SLC2A13: variants seen among roughly 807,000 people sequenced by gnomAD.
The protein encoded by SLC2A13 is solute carrier family 2 member 13.
A neutral mutation model predicts 64.4 loss-of-function variants in SLC2A13; 32 were observed. The observed-to-expected ratio is 0.50, with a 90% CI of 0.37 to 0.67. The LOEUF (loss-of-function observed/expected upper bound fraction) is 0.67. Among genes scored for constraint, SLC2A13 ranks in the 30% least tolerant of loss-of-function variants. The pLI is 0.00. For synonymous variants in SLC2A13, 338 were observed against 327.1 expected (o/e 1.03, Z -0.36); for missense variants, 743 against 829.2 (o/e 0.90, Z 1.28).
intron 4 of SLC2A13, among the ~76,000 whole-genome samples, chr12:39,939,124 C>G (rs912073793): frequency 7.9e-5 from 12 of 152,120 alleles, no homozygotes; most frequent in African/African-American, 2.9e-4. Flanking sequence ...ACTGACATAG[C>G]CTGCTTACCA....
intron 7 of SLC2A13, among the ~76,000 whole-genome samples, chr12:39,768,495 A>G (rs1306640419): frequency 6.6e-6 from 1 of 152,076 alleles, no homozygotes; most frequent in Admixed American, 6.6e-5. Context: ...CTAGCTTTTG[A>G]TTTAAAGTGA....
intron 4 of SLC2A13, among the ~76,000 whole-genome samples, chr12:39,915,370 C>T (rs891882473): frequency 4.6e-5 from 7 of 151,732 alleles, no homozygotes; most frequent in African/African-American, 1.2e-4. Context: ...AAAGATTAAA[C>T]GAAGCAATGT....
chr12:39,954,739 T>C (rs1039624008), intron 3 of SLC2A13, among the ~76,000 whole-genome samples: 1 of 151,816 alleles, frequency 6.6e-6, no homozygotes, highest in African/African-American at 2.4e-5. Flanking sequence ...AAATAAAAAA[T>C]AACTAAGAAT....
intron 7 of SLC2A13, among the ~76,000 whole-genome samples, chr12:39,817,622 A>G (rs1439850281): frequency 6.6e-6 from 1 of 152,222 alleles, no homozygotes; most frequent in East Asian, 1.9e-4. Flanking sequence ...TATTCACGAA[A>G]AAGTTAGCTG....
chr12:40,085,881 CTTTT>C (rs968536357), intron 1 of SLC2A13, among the ~76,000 whole-genome samples: 2 of 147,956 alleles, frequency 1.4e-5, no homozygotes, highest in Admixed American at 6.7e-5. Context: ...CTCCCATCTT[CTTTT>C]TTTTTTTGAG....
chr12:39,769,100 T>A (rs999564314), intron 7 of SLC2A13, among the ~76,000 whole-genome samples: 1 of 152,110 alleles, frequency 6.6e-6, no homozygotes, highest in Non-Finnish European at 1.5e-5. Context: ...TTGGGCTGTA[T>A]TAAAAGTTCA....
intron 3 of SLC2A13, among the ~76,000 whole-genome samples, chr12:40,000,511 C>A: frequency 6.6e-6 from 1 of 152,182 alleles, no homozygotes. Flanking sequence ...TTTGCCAGGG[C>A]TGCTATAGCA....
Position 39,817,052 on chromosome 12 carries a change from T to A in SLC2A13, c.1445+13051A>T, listed in dbSNP as rs74541862. Reference sequence around the variant, plus strand: ...TGCCTTGAGGGAAAAAAAAAATAGGTAGGTGGTGAGTGACTGTATCCTTCT... The same window carrying A: ...TGCCTTGAGGGAAAAAAAAAATAGGAAGGTGGTGAGTGACTGTATCCTTCT... On this transcript the variant is annotated intron_variant, in intron 7 of 9. Transcript: ENST00000280871. Among the ~76,000 whole-genome samples, 936 of 151,542 alleles carry A rather than the reference T, an allele frequency of 6.2e-3. 11 individuals are homozygous for A. The highest frequency in any genetic ancestry group is 0.021 in the African/African-American group (886 of 41,366).
chr12:39,842,920 C>A (rs1354634930), intron 6 of SLC2A13, among the ~76,000 whole-genome samples: 1 of 151,908 alleles, frequency 6.6e-6, no homozygotes, highest in Non-Finnish European at 1.5e-5. Context: ...GTGGTTCAGC[C>A]ATATTATAGC....
chr12:39,855,649 A>C (rs767076267), intron 6 of SLC2A13, among the ~76,000 whole-genome samples: 2 of 152,212 alleles, frequency 1.3e-5, no homozygotes, highest in Non-Finnish European at 2.9e-5. Flanking sequence ...TGTTTATTAA[A>C]ATAATTAACT....
intron 1 of SLC2A13, among the ~76,000 whole-genome samples, chr12:40,099,083 C>T (rs1939059549): frequency 1.3e-5 from 2 of 152,090 alleles, no homozygotes; most frequent in South Asian, 4.1e-4. Context: ...TAATAAAAGG[C>T]CTAACTAGAA....
intron 3 of SLC2A13, among the ~76,000 whole-genome samples, chr12:39,988,677 AGAAGGGAGGGAGGGAGGAAGGAAGGAAG>A (rs1308515659): frequency 4.7e-4 from 36 of 76,576 alleles, no homozygotes; most frequent in Admixed American, 6.2e-4. Flanking sequence ...GAGGGAGGGA[AGAAGGGAGGGAGGGAGGAAGGAAGGAAG>A]GAAGGAAGGA....
intron 7 of SLC2A13, among the ~76,000 whole-genome samples, chr12:39,828,933 T>C (rs919347101): frequency 6.6e-6 from 1 of 152,148 alleles, no homozygotes; most frequent in Non-Finnish European, 1.5e-5. Flanking sequence ...AAATGTGGTC[T>C]GGATTTTTAC....
chr12:39,951,499 TA>T, intron 3 of SLC2A13, 134 bp from the exon 4 acceptor site: 1 of 588,080 alleles, frequency 1.7e-6, no homozygotes, highest in Admixed American at 3.7e-5. Flanking sequence ...AGAACAACTC[TA>T]TTTTTACAGA....
At chr12:39,762,662 G>A (rs974671654) in intron 9 of SLC2A13, among the ~76,000 whole-genome samples, 1 of 151,966 alleles carries the variant, frequency 6.6e-6, no homozygotes, top group Non-Finnish European at 1.5e-5. Context: ...AGGAATACAC[G>A]ATTAGGATGT....
intron 1 of SLC2A13, among the ~76,000 whole-genome samples, chr12:40,088,720 T>C (rs1362069587): frequency 6.6e-6 from 1 of 152,050 alleles, no homozygotes; most frequent in Non-Finnish European, 1.5e-5. Context: ...AACACCAAAG[T>C]GTGGTAGGGG....
chr12:39,936,235 G>A (rs1453542885), intron 4 of SLC2A13, among the ~76,000 whole-genome samples: 1 of 152,192 alleles, frequency 6.6e-6, no homozygotes, highest in Non-Finnish European at 1.5e-5. Context: ...AAATGCTCAG[G>A]CTAGGGTAGG....
intron 3 of SLC2A13, among the ~76,000 whole-genome samples, chr12:40,009,936 GTTAT>G (rs1161320409): frequency 5.9e-5 from 9 of 152,078 alleles, no homozygotes; most frequent in Non-Finnish European, 1.2e-4. Context: ...TATACATTAG[GTTAT>G]TTGTCATATT....
intron 7 of SLC2A13, among the ~76,000 whole-genome samples, chr12:39,828,224 G>A (rs578131255): frequency 2.8e-4 from 43 of 152,216 alleles, no homozygotes; most frequent in Admixed American, 1.0e-3. Flanking sequence ...AAGGAGCACC[G>A]TTGCTCAGCA....
Sources: gnomAD v4.1 joint callset for allele counts (sites outside exome capture counted in the v4.1 genomes callset) on GRCh38, gnomAD v4.1.1 for gene constraint, MANE v1.5 for transcripts, NCBI Gene and HGNC (gene_info 2026-07-23, HGNC 2026-07-21) for gene names.